NELL1: variants seen among roughly 807,000 people sequenced by gnomAD.
NELL1 encodes the protein protein kinase C-binding protein NELL1.
NELL1 carries 76 observed loss-of-function variants against 107.4 expected under a neutral mutation model. That is an observed-to-expected ratio of 0.71 (90% CI 0.59 to 0.86). NELL1 has a LOEUF of 0.86. Ranked by LOEUF, NELL1 falls within the 40% of genes least tolerant of loss-of-function variation. The pLI, the probability that NELL1 is intolerant of heterozygous loss-of-function variation, is 0.00. For missense variants in NELL1, 1,024 were observed against 1,005.5 expected, an observed-to-expected ratio of 1.02 and a Z score of -0.25; for synonymous variants, 353 against 341.2, an observed-to-expected ratio of 1.03 and a Z score of -0.38.
intron 14 of NELL1, among the ~76,000 whole-genome samples, chr11:21,353,287 G>A (rs2133724011): frequency 6.6e-6 from 1 of 152,266 alleles, no homozygotes; most frequent in South Asian, 2.1e-4. Context: ...AAAAATCTTT[G>A]AGGTATGAGG....
At chr11:21,077,434 A>G (rs749401127) in intron 12 of NELL1, among the ~76,000 whole-genome samples, 18 of 152,190 alleles carry the variant, frequency 1.2e-4, no homozygotes, top group Non-Finnish European at 2.5e-4. Flanking sequence ...CACCACAAGA[A>G]TATTGAAAAT....
At chr11:21,070,179 A>T (rs17298726) in intron 12 of NELL1, among the ~76,000 whole-genome samples, 5 of 152,028 alleles carry the variant, frequency 3.3e-5, no homozygotes, top group African/African-American at 4.8e-5. Flanking sequence ...AGTGATTTCA[A>T]TGTGGAGCCT....
At chr11:21,391,413 T>TA (rs1851875983) in intron 15 of NELL1, among the ~76,000 whole-genome samples, 1 of 151,778 alleles carries the variant, frequency 6.6e-6, no homozygotes, top group African/African-American at 2.4e-5. Flanking sequence ...TTCTGGGACT[T>TA]AAAAAAATGT....
intron 15 of NELL1, among the ~76,000 whole-genome samples, chr11:21,494,663 A>G (rs1472312661): frequency 6.6e-6 from 1 of 152,028 alleles, no homozygotes; most frequent in Admixed American, 6.6e-5. Context: ...ATATGAACCA[A>G]GAGACATGAG....
At chr11:21,419,480 A>C (rs1056571392) in intron 15 of NELL1, among the ~76,000 whole-genome samples, 1 of 152,118 alleles carries the variant, frequency 6.6e-6, no homozygotes, top group Non-Finnish European at 1.5e-5. Context: ...AATAGAGTCC[A>C]ATCAGTCATA....
chr11:21,460,385 A>G (rs1363110688), intron 15 of NELL1, among the ~76,000 whole-genome samples: 2 of 152,218 alleles, frequency 1.3e-5, no homozygotes, highest in East Asian at 3.9e-4. Flanking sequence ...AAGAGCCTGC[A>G]GCCTTTTCTC....
At chr11:21,162,970 A>G (rs189670900) in intron 13 of NELL1, among the ~76,000 whole-genome samples, 49 of 152,356 alleles carry the variant, frequency 3.2e-4, no homozygotes, top group Admixed American at 8.5e-4. Flanking sequence ...TGAAAGTATA[A>G]TAATAAAAAT....
At chr11:20,869,384 TC>T (rs1849154964) in intron 4 of NELL1, among the ~76,000 whole-genome samples, 1 of 152,198 alleles carries the variant, frequency 6.6e-6, no homozygotes, top group South Asian at 2.1e-4. Flanking sequence ...CCAAACATCC[TC>T]TTTCAAATGA....
At chr11:21,063,781 A>G (rs913234225) in intron 12 of NELL1, among the ~76,000 whole-genome samples, 1 of 152,238 alleles carries the variant, frequency 6.6e-6, no homozygotes, top group African/African-American at 2.4e-5. Context: ...AATATCAAAC[A>G]TTCCTGTTCT....
intron 12 of NELL1, among the ~76,000 whole-genome samples, chr11:21,014,376 T>C (rs1852517982): frequency 6.6e-6 from 1 of 152,130 alleles, no homozygotes; most frequent in Admixed American, 6.6e-5. Context: ...GTAAATTCTG[T>C]TTGAAAACTA....
At chr11:21,207,467 A>G (rs1857413644) in intron 13 of NELL1, among the ~76,000 whole-genome samples, 1 of 152,182 alleles carries the variant, frequency 6.6e-6, no homozygotes, top group Non-Finnish European at 1.5e-5. Context: ...TGGAAGTTTT[A>G]GGGAAGGCTT....
At chr11:21,506,130 T>C (rs983146693) in intron 15 of NELL1, among the ~76,000 whole-genome samples, 12 of 152,222 alleles carry the variant, frequency 7.9e-5, no homozygotes, top group Non-Finnish European at 1.6e-4. Flanking sequence ...AAAATAATGA[T>C]ATTGTTAAAA....
intron 2 of NELL1, among the ~76,000 whole-genome samples, chr11:20,718,285 G>A (rs992435538): frequency 2.6e-5 from 4 of 152,126 alleles, no homozygotes; most frequent in African/African-American, 9.7e-5. Context: ...CAACTGAGAA[G>A]CTGGATTTTA....
intron 15 of NELL1, among the ~76,000 whole-genome samples, chr11:21,519,392 T>G (rs1297944502): frequency 1.3e-5 from 2 of 152,162 alleles, no homozygotes; most frequent in African/African-American, 4.8e-5. Flanking sequence ...CCAGATAATT[T>G]TCATTTATAA....
intron 4 of NELL1, among the ~76,000 whole-genome samples, chr11:20,861,209 T>C (rs1271580512): frequency 6.6e-6 from 1 of 152,194 alleles, no homozygotes; most frequent in African/African-American, 2.4e-5. Context: ...TTATTAGCAG[T>C]TTTATTTCTG....
At chr11:21,514,097 G>A (rs977234288) in intron 15 of NELL1, among the ~76,000 whole-genome samples, 3 of 152,182 alleles carry the variant, frequency 2.0e-5, no homozygotes, top group African/African-American at 7.2e-5. Flanking sequence ...ACCTGGCAGT[G>A]TCATTTAGTT....
At chr11:21,557,970 G>A (rs1856762571) in intron 16 of NELL1, among the ~76,000 whole-genome samples, 1 of 152,120 alleles carries the variant, frequency 6.6e-6, no homozygotes, top group African/African-American at 2.4e-5. Flanking sequence ...AGGTAGACAA[G>A]TTAAACACGT....
At chr11:21,054,288 T>C (rs1202641867) in intron 12 of NELL1, among the ~76,000 whole-genome samples, 3 of 152,134 alleles carry the variant, frequency 2.0e-5, no homozygotes, top group Admixed American at 1.3e-4. Flanking sequence ...ATAGTAATAA[T>C]ATATTCTTCA....
At chr11:20,744,316 C>T (rs968703005) in intron 2 of NELL1, among the ~76,000 whole-genome samples, 7 of 152,232 alleles carry the variant, frequency 4.6e-5, no homozygotes, top group African/African-American at 1.7e-4. Flanking sequence ...TGACTCCTTT[C>T]TATCTCATCC....
Sources: allele counts gnomAD v4.1 joint callset (sites outside exome capture counted in the v4.1 genomes callset), GRCh38; gene constraint gnomAD v4.1.1; transcripts MANE v1.5; gene names NCBI Gene and HGNC (gene_info 2026-07-23, HGNC 2026-07-21).